SLC7A10: variants seen among roughly 807,000 people sequenced by gnomAD.
SLC7A10 encodes solute carrier family 7 member 10, also known as asc-type amino acid transporter 1.
In SLC7A10, 30 loss-of-function variants were observed where a neutral mutation model predicts 52.7. The observed-to-expected ratio is 0.57, with a 90% CI of 0.43 to 0.77. The LOEUF (loss-of-function observed/expected upper bound fraction) is 0.77, where lower values mean the gene tolerates loss of function less well. Ranked by LOEUF, SLC7A10 falls within the 30% of genes least tolerant of loss-of-function variation. The pLI, the probability that SLC7A10 is intolerant of heterozygous loss-of-function variation, is 0.00. For synonymous variants in SLC7A10, 318 were observed against 314.9 expected (o/e 1.01, Z -0.10); for missense variants, 581 against 698.5 (o/e 0.83, Z 1.90).
At chr19:33,209,118 T>A (rs1974478655) in intron 10 of SLC7A10, 97 bp from the exon 11 acceptor site, 1 of 1,584,462 alleles carries the variant, frequency 6.3e-7, no homozygotes, top group Admixed American at 1.8e-5. Context: ...CTTCAGGGAG[T>A]TGCTCCGTCG....
Position 33,212,874 on chromosome 19 carries a change from C to G in SLC7A10, c.485G>C (p.Arg162Pro). Residue 162 changes from arginine (R) to proline (P), a missense_variant, in exon 3 of 11, where the codon CGG becomes CCG. Arg to Pro is a moderately radical substitution (Grantham distance 103). Transcript: ENST00000253188. ...PNCIPPTTAS[R>P]VLSMACLMLL... ...ACTCAGGCAGGCCATGGACAGCACC[C>G]GGGAGGCTGTGGTGGGGGGGATGCA... 1 of 1,614,008 alleles carries G rather than the reference C, an allele frequency of 6.2e-7. No individual in the cohort carries two copies. Among genetic ancestry groups the G allele is most frequent in the Non-Finnish European group, 8.5e-7 (1 of 1,179,976 alleles).
rs117570118 is a variant in SLC7A10 at position 33,213,629 on chromosome 19, G to A, written c.357-627C>T. ...ATAACAACTAGGCCCCCCATTGGAC[G>A]GAGGCTGTCTCCTGAGCCAGGGTCC... On this transcript the variant is annotated intron_variant, in intron 2 of 10. Transcript: ENST00000253188. Among the ~76,000 whole-genome samples, 252 of 152,288 alleles carry A rather than the reference G, an allele frequency of 1.7e-3. 7 individuals carry two copies. The East Asian group carries it at 0.045, about 27-fold the overall frequency.
In SLC7A10 at chr19:33,215,854, G is replaced by T; in HGVS notation, c.271C>A (p.Leu91Ile). 6.2e-7 allele frequency: 1 copy of T among 1,602,474 alleles called. No individual in the cohort carries two copies. The highest frequency in any genetic ancestry group is 2.3e-5 in the East Asian group (1 of 44,322). ...LGGGVTALGS[L>I]CYAELGVAIP... ...GCGACTCCCAGCTCTGCATAGCAGAGGGAGCCCAGAGCCGTCACGCCCCCA... is the reference window on the plus strand; with the variant it reads ...GCGACTCCCAGCTCTGCATAGCAGATGGAGCCCAGAGCCGTCACGCCCCCA... Residue 91 changes from leucine to isoleucine, a missense_variant, in exon 2 of 11, where the codon CTC becomes ATC. Transcript: ENST00000253188.
In SLC7A10 at chr19:33,209,380, G is replaced by A; in HGVS notation, c.1369C>T (p.Leu457Phe). 6.2e-7 allele frequency: 1 copy of A among 1,614,114 alleles called. No individual in the cohort carries two copies. The highest frequency in any genetic ancestry group is 8.5e-7 in the Non-Finnish European group (1 of 1,180,016). Reference protein sequence around the residue: ...MVCGVGVIIILTGVPIFFLGV... With the variant: ...MVCGVGVIIIFTGVPIFFLGV... ...AGAAAGAAAATGGGCACCCCCGTAA[G>A]GATGATGATGACGCCGACCCCACAG... Residue 457 changes from leucine to phenylalanine, a missense_variant, in exon 10 of 11, where the codon CTT (leucine) becomes TTT (phenylalanine). Physicochemically the swap from Leu to Phe is conservative, Grantham distance 22. Transcript: ENST00000253188.
rs767067459 is a variant in SLC7A10 at position 33,212,619 on chromosome 19, T to C, written c.529A>G (p.Ser177Gly). ...ACLMLLTWVN[S>G]SSVRWATRIQ... The stretch of plus-strand genomic sequence containing the variant: ...CGCGTGGCCCAGCGCACACTGGAGC[T>C]GTTCACCCATGTCAGGAGCACTGCG... Residue 177 changes from serine to glycine, a missense_variant, in exon 4 of 11, where the codon AGC (serine) becomes GGC (glycine). Ser to Gly is a moderately conservative substitution (Grantham distance 56, BLOSUM62 0). Coordinates refer to ENST00000253188, the MANE Select transcript of SLC7A10 (RefSeq NM_019849.3). The C allele has an allele frequency of 2.5e-6, 4 of 1,613,680 alleles. No individual in the cohort carries two copies. Among genetic ancestry groups the C allele is most frequent in the East Asian group, 4.5e-5 (2 of 44,886 alleles).
chr19:33,222,469 A>T (rs1034803169), intron 1 of SLC7A10, among the ~76,000 whole-genome samples: 11 of 87,940 alleles, frequency 1.3e-4, no homozygotes, highest in Non-Finnish European at 2.1e-4. Flanking sequence ...TAAAATAAAT[A>T]AAATAAAATA....
chr19:33,217,417 T>A (rs1208507255), intron 1 of SLC7A10, among the ~76,000 whole-genome samples: 1 of 152,162 alleles, frequency 6.6e-6, no homozygotes, highest in Non-Finnish European at 1.5e-5. Context: ...AGCCCTGAGC[T>A]CCGCAAAGAG....
intron 1 of SLC7A10, among the ~76,000 whole-genome samples, chr19:33,224,921 C>T (rs968867367): frequency 6.6e-6 from 1 of 152,238 alleles, no homozygotes; most frequent in Admixed American, 6.5e-5. Flanking sequence ...CTTCTGCAGG[C>T]TGGGTCTGCC....
intron 1 of SLC7A10, chr19:33,220,384 G>C (rs1007185979): frequency 6.6e-6 from 1 of 152,132 alleles, no homozygotes; most frequent in Non-Finnish European, 1.5e-5. Flanking sequence ...GTTGCCAAAC[G>C]CAACAGTCGA....
intron 2 of SLC7A10, among the ~76,000 whole-genome samples, chr19:33,214,488 G>A (rs988786893): frequency 6.6e-6 from 1 of 152,206 alleles, no homozygotes; most frequent in East Asian, 1.9e-4. Flanking sequence ...TGCAGCTCTT[G>A]GCACAACGCA....
chr19:33,222,423 T>TATAAA (rs70950366), intron 1 of SLC7A10, among the ~76,000 whole-genome samples: 5 of 107,112 alleles, frequency 4.7e-5, no homozygotes, highest in Admixed American at 9.7e-5. Context: ...TAAAATAAAA[T>TATAAA]ATAAAATAAA....
chr19:33,211,710 C>G, intron 5 of SLC7A10, 173 bp from the exon 6 acceptor site: 1 of 1,224,498 alleles, frequency 8.2e-7, no homozygotes, highest in South Asian at 1.4e-5. Context: ...GTCTGCCCTG[C>G]CCCACCCCCA....
rs1555733094 is a variant in SLC7A10, at chr19:33,215,631, C to CCCCCACACCTTCTCTCCATCCAG, written c.356+137_356+138insCTGGATGGAGAGAAGGTGTGGGG. 7.9e-3 allele frequency: 3,510 copies of CCCCCACACCTTCTCTCCATCCAG among 445,768 alleles called. 219 individuals carry two copies. The highest frequency in any genetic ancestry group is 0.023 in the Middle Eastern group (26 of 1,126). 27.6% of individuals were successfully genotyped at this position (445,768 alleles called of 1,614,324 possible). A position where few individuals can be genotyped will look rare whatever the true frequency, so the allele number is the denominator to read the frequency against. ...AGCCCCCACACCTTCTCTCCATCCA[C>CCCCCACACCTTCTCTCCATCCAG]CCCCCACACCTTCTCTCCATCCACC... On this transcript the variant is annotated intron_variant, in intron 2 of 10. Transcript: ENST00000253188.
intron 10 of SLC7A10, 96 bp downstream of exon 10, chr19:33,209,212 C>T: frequency 1.3e-6 from 2 of 1,561,044 alleles, no homozygotes; most frequent in Non-Finnish European, 1.8e-6. Context: ...ACCTCAGCTG[C>T]TAGGACACCC....
chr19:33,211,926 A>G, intron 5 of SLC7A10: 2 of 474,402 alleles, frequency 4.2e-6, no homozygotes, highest in Non-Finnish European at 7.7e-6. Context: ...GCAAAGGTTT[A>G]CTGTCGAGAT....
Position 33,209,002 on chromosome 19 carries a change from G to A in SLC7A10, c.1461C>T (p.Gly487=), listed in dbSNP as rs768988794. Reference sequence around the variant, plus strand: ...GGTAGACCACGAAACACAGCTCCTGGCCCCAGTGTGTCATGGACTCTGAGG... The same window carrying A: ...GGTAGACCACGAAACACAGCTCCTGACCCCAGTGTGTCATGGACTCTGAGG... ...HRLTESMTHW[G]QELCFVVYPQ... The change falls in exon 11 of 11, where the codon GGC becomes GGT. Residue 487 remains glycine (G), a synonymous_variant. Coordinates refer to ENST00000253188, the MANE Select transcript of SLC7A10 (RefSeq NM_019849.3). 1 of 1,613,774 alleles carries A rather than the reference G, an allele frequency of 6.2e-7. No homozygotes were observed. Among genetic ancestry groups the A allele is most frequent in the Non-Finnish European group, 8.5e-7 (1 of 1,180,018 alleles).
rs774129247 is a variant in SLC7A10 at position 33,211,253 on chromosome 19, TC to T, written c.987del (p.Ile330SerfsTer27). ...GAGTAGGTGAACAGGTAACCATTGATCCCTCCGAAGGTTGACAGAGCCACGG... is the reference window on the plus strand; with the variant it reads ...GAGTAGGTGAACAGGTAACCATTGATCCTCCGAAGGTTGACAGAGCCACGG... ...PVSVALSTFG[G>X]INGYLFTYSR... On this transcript the variant is annotated frameshift_variant, in exon 7 of 11. Coordinates refer to ENST00000253188, the MANE Select transcript of SLC7A10 (RefSeq NM_019849.3). LOFTEE classifies it high-confidence loss of function. 1 of 1,613,628 alleles carries T rather than the reference TC, an allele frequency of 6.2e-7. No homozygotes were observed. The highest frequency in any genetic ancestry group is 8.5e-7 in the Non-Finnish European group (1 of 1,179,990).
intron 1 of SLC7A10, among the ~76,000 whole-genome samples, chr19:33,223,943 T>TCACCACCACCACCGCCAC (rs1555734652): frequency 7.5e-5 from 11 of 147,224 alleles, no homozygotes; most frequent in Admixed American, 1.3e-4. Flanking sequence ...ACCTCTACCA[T>TCACCACCACCACCGCCAC]CACCACCACC....
intron 2 of SLC7A10, among the ~76,000 whole-genome samples, chr19:33,213,311 C>T (rs1458281275): frequency 2.3e-4 from 34 of 149,444 alleles, no homozygotes; most frequent in Admixed American, 1.3e-3. Context: ...TTTTTTGAGA[C>T]GGAGTCTTGC....
Sources: allele counts gnomAD v4.1 joint callset (sites outside exome capture counted in the v4.1 genomes callset), GRCh38; gene constraint gnomAD v4.1.1; transcripts MANE v1.5; gene names NCBI Gene and HGNC (gene_info 2026-07-23, HGNC 2026-07-21).